The following KIAA1217 variants were observed in gnomAD, a reference collection of about 807,000 sequenced individuals.
The protein encoded by KIAA1217 is KIAA1217, also known as sickle tail protein homolog.
A neutral mutation model predicts 163.9 loss-of-function variants in KIAA1217; 88 were observed. The ratio of observed to expected loss-of-function variants is 0.54; its 90% CI spans 0.45 to 0.64. The LOEUF (loss-of-function observed/expected upper bound fraction) is 0.64. Among genes scored for constraint, KIAA1217 ranks in the 30% least tolerant of loss-of-function variants. The pLI is 0.00. For synonymous variants in KIAA1217, 903 were observed against 923.1 expected (o/e 0.98, Z 0.39); for missense variants, 2,372 against 2,475.0 (o/e 0.96, Z 0.88).
Position 23,766,043 on chromosome 10 carries a change from C to G in KIAA1217, c.-321+70809C>G, listed in dbSNP as rs113346118. Among the ~76,000 whole-genome samples the G allele has an allele frequency of 3.8e-3, 580 of 152,300 alleles. 7 individuals are homozygous for G. Among genetic ancestry groups the G allele is most frequent in the African/African-American group, 0.013 (546 of 41,564 alleles). On this transcript the variant is annotated intron_variant, in intron 1 of 18. Coordinates refer to the KIAA1217 transcript ENST00000376462. ...AGGTGATTTGCAGGCAAAACTGTGG[C>G]TAATACTAATAACAAGGTAGAGAGT...
At chr10:24,127,655 A>G (rs2063514615) in intron 2 of KIAA1217, among the ~76,000 whole-genome samples, 2 of 152,198 alleles carry the variant, frequency 1.3e-5, no homozygotes, top group Admixed American at 1.3e-4. Flanking sequence ...CTTTACAGAT[A>G]TGATGGGGAC....
chr10:24,207,282 T>TCTCTCTCACACACACACACACA (rs529791287), upstream of KIAA1217, among the ~76,000 whole-genome samples: 1,169 of 140,158 alleles, frequency 8.3e-3, 22 homozygotes, highest in African/African-American at 0.032. Flanking sequence ...TCTCTCTCTC[T>TCTCTCTCACACACACACACACA]CACACACACA....
chr10:23,735,156 C>A (rs751725818), intron 1 of KIAA1217, among the ~76,000 whole-genome samples: 16 of 151,984 alleles, frequency 1.1e-4, no homozygotes, highest in Non-Finnish European at 1.5e-4. Context: ...AAAACATGTT[C>A]CTGGGAATAG....
intron 2 of KIAA1217, among the ~76,000 whole-genome samples, chr10:24,244,561 C>CT (rs11318420): frequency 0.011 from 896 of 85,228 alleles, 8 homozygotes; most frequent in East Asian, 0.015. Context: ...TTCTTTCTTT[C>CT]TTTTTTTTTT....
chr10:24,455,902 T>C (rs563055140), intron 5 of KIAA1217, among the ~76,000 whole-genome samples: 1 of 152,354 alleles, frequency 6.6e-6, no homozygotes, highest in South Asian at 2.1e-4. Flanking sequence ...TTTTGTTTTT[T>C]TCTGAGACAC....
intron 8 of KIAA1217, among the ~76,000 whole-genome samples, chr10:24,495,426 A>C (rs1276434458): frequency 6.6e-6 from 1 of 152,168 alleles, no homozygotes; most frequent in Non-Finnish European, 1.5e-5. Context: ...TTGTTCATTG[A>C]TATGGCCACA....
chr10:24,079,692 G>C (rs968175758), intron 2 of KIAA1217, among the ~76,000 whole-genome samples: 1 of 152,110 alleles, frequency 6.6e-6, no homozygotes, highest in Non-Finnish European at 1.5e-5. Context: ...GTTTGCAAAA[G>C]GGAGGGCCAC....
At chr10:23,840,580 T>C (rs1039759577) in intron 1 of KIAA1217, among the ~76,000 whole-genome samples, 2 of 152,210 alleles carry the variant, frequency 1.3e-5, no homozygotes, top group African/African-American at 2.4e-5. Flanking sequence ...AGTTATAGAA[T>C]GTGGTTTAAT....
intron 2 of KIAA1217, among the ~76,000 whole-genome samples, chr10:24,140,017 T>G (rs545397134): frequency 6.7e-6 from 1 of 150,044 alleles, no homozygotes; most frequent in Non-Finnish European, 1.5e-5. Flanking sequence ...TTTTTTTTTT[T>G]CCCCCTTATC....
At chr10:23,868,593 A>G (rs1840306480) in intron 1 of KIAA1217, among the ~76,000 whole-genome samples, 1 of 152,066 alleles carries the variant, frequency 6.6e-6, no homozygotes, top group African/African-American at 2.4e-5. Flanking sequence ...ATTTTCCAAC[A>G]TCTGCAGCCT....
intron 1 of KIAA1217, among the ~76,000 whole-genome samples, chr10:23,823,319 G>C (rs565689611): frequency 3.6e-4 from 55 of 152,356 alleles, no homozygotes; most frequent in African/African-American, 1.2e-3. Flanking sequence ...GCTCCCAGAG[G>C]CTCCCTCTGA....
chr10:23,800,596 G>A (rs1296176356), intron 1 of KIAA1217, among the ~76,000 whole-genome samples: 1 of 152,176 alleles, frequency 6.6e-6, no homozygotes, highest in Non-Finnish European at 1.5e-5. Context: ...TATGGGCAGA[G>A]TCTTCAGCCC....
chr10:24,351,394 C>A (rs1319505247), intron 2 of KIAA1217, among the ~76,000 whole-genome samples: 1 of 152,202 alleles, frequency 6.6e-6, no homozygotes, highest in Non-Finnish European at 1.5e-5. Flanking sequence ...GTCATTATGA[C>A]CATGCCCTTT....
chr10:24,462,175 T>C (rs1010352700), intron 5 of KIAA1217, among the ~76,000 whole-genome samples: 1 of 151,136 alleles, frequency 6.6e-6, no homozygotes, highest in Non-Finnish European at 1.5e-5. Flanking sequence ...GCATATATAC[T>C]GATATATCTA....
chr10:24,497,012 C>T (rs1240069126), intron 8 of KIAA1217, among the ~76,000 whole-genome samples: 2 of 152,230 alleles, frequency 1.3e-5, no homozygotes, highest in Admixed American at 6.5e-5. Flanking sequence ...CTCCCCACGT[C>T]TCTGCTAGGT....
chr10:23,896,032 A>G (rs1841679205), intron 1 of KIAA1217, among the ~76,000 whole-genome samples: 1 of 150,678 alleles, frequency 6.6e-6, no homozygotes, highest in African/African-American at 2.4e-5. Context: ...TAGGAGATAT[A>G]CCTAATGCTA....
intron 1 of KIAA1217, among the ~76,000 whole-genome samples, chr10:23,722,734 A>G (rs1837937022): frequency 6.6e-6 from 1 of 152,186 alleles, no homozygotes; most frequent in Non-Finnish European, 1.5e-5. Context: ...TCAAAGAAGT[A>G]CCTTGTTCCA....
chr10:24,419,367 T>G (rs556113047), intron 3 of KIAA1217, among the ~76,000 whole-genome samples: 280 of 152,256 alleles, frequency 1.8e-3, no homozygotes, highest in Non-Finnish European at 3.3e-3. Flanking sequence ...TTTTCTTTAA[T>G]TTTTTGAATG....
chr10:24,249,700 C>G (rs1490856099), intron 2 of KIAA1217, among the ~76,000 whole-genome samples: 3 of 152,174 alleles, frequency 2.0e-5, no homozygotes, highest in Non-Finnish European at 2.9e-5. Context: ...TACTATATCT[C>G]AGAAACTTTC....
Sources: allele counts gnomAD v4.1 joint callset (sites outside exome capture counted in the v4.1 genomes callset), GRCh38; gene constraint gnomAD v4.1.1; transcripts MANE v1.5; gene names NCBI Gene and HGNC (gene_info 2026-07-23, HGNC 2026-07-21).